Variants in BCAS3 observed in about 807,000 individuals in gnomAD.
The protein encoded by BCAS3 is BCAS4/BCAS3 fusion.
BCAS3 carries 53 observed loss-of-function variants against 116.1 expected under a neutral mutation model. That is an observed-to-expected ratio of 0.46 (90% CI 0.37 to 0.57). BCAS3 has a LOEUF of 0.57. BCAS3 is among the 20% of genes least tolerant of loss of function. The probability of loss-of-function intolerance (pLI) is 0.00; values close to 1 mark genes in which losing one functional copy is unlikely to be tolerated. For missense variants in BCAS3, 917 were observed against 1,165.4 expected, an observed-to-expected ratio of 0.79 and a Z score of 3.10; for synonymous variants, 391 against 408.2, an observed-to-expected ratio of 0.96 and a Z score of 0.51.
At chr17:61,202,281 G>T (rs1243569447) in intron 22 of BCAS3, among the ~76,000 whole-genome samples, 1 of 151,500 alleles carries the variant, frequency 6.6e-6, no homozygotes, top group Non-Finnish European at 1.5e-5. Flanking sequence ...GGGACTACAG[G>T]CACCCAAAAA....
intron 22 of BCAS3, among the ~76,000 whole-genome samples, chr17:61,178,156 G>A (rs1190231524): frequency 1.3e-5 from 2 of 152,092 alleles, no homozygotes. Context: ...CATTCAATCT[G>A]CCCTCTTATT....
chr17:60,819,110 G>A (rs1352652297), intron 7 of BCAS3, among the ~76,000 whole-genome samples: 1 of 152,136 alleles, frequency 6.6e-6, no homozygotes, highest in East Asian at 1.9e-4. Flanking sequence ...GTCTTAAAAT[G>A]TTAACATTGT....
Position 61,362,944 on chromosome 17 carries a change from C to A in BCAS3, c.2426-5383C>A, listed in dbSNP as rs1393875721. The A allele has an allele frequency of 6.6e-6, 1 of 152,184 alleles. No homozygotes were observed. The highest frequency in any genetic ancestry group is 1.5e-5 in the Non-Finnish European group (1 of 68,034). 9.4% of individuals were successfully genotyped at this position (152,184 alleles called of 1,614,324 possible). A position where few individuals can be genotyped will look rare whatever the true frequency, so the allele number is the denominator to read the frequency against. On this transcript the variant is annotated intron_variant, in intron 22 of 23. Transcript: ENST00000407086. This position sits in a 1 kb window ranked among gnomAD's most constrained non-coding sequence, Gnocchi z 4.4. ...ACCCTAGATATTCAGGCTCTGGTAC[C>A]CCACCCAAAGGGTGTTGACTGCAAA...
In BCAS3 at chr17:61,329,891, A is replaced by G. The variant is rs180753893; in HGVS notation, c.2426-38436A>G. ...AGTCTTCGAGCAGCTGTCCCTGATT[A>G]TGAAGTTCAGAGTGGCTGTTTAACG... is the stretch of plus-strand genomic sequence containing the variant. On this transcript the variant is annotated intron_variant, in intron 22 of 23. Coordinates refer to ENST00000407086, the MANE Select transcript of BCAS3 (RefSeq NM_017679.5). Among the ~76,000 whole-genome samples, 189 of 152,308 alleles carry G rather than the reference A, an allele frequency of 1.2e-3. 1 individual carries two copies. The highest frequency in any genetic ancestry group is 4.4e-3 in the African/African-American group (183 of 41,564).
rs950569632 is a variant in BCAS3 at position 61,228,224 on chromosome 17, T to G, written c.2426-140103T>G. Among the ~76,000 whole-genome samples the G allele has an allele frequency of 2.0e-5, 3 of 152,146 alleles. No homozygotes were observed. Among genetic ancestry groups the G allele is most frequent in the African/African-American group, 7.2e-5 (3 of 41,434 alleles). On this transcript the variant is annotated intron_variant, in intron 22 of 23. Transcript: ENST00000407086. The surrounding 1 kb of genome is among the most constrained non-coding windows in gnomAD (Gnocchi z 5.0). ...ACAGTTTCAAAGATGGGAAAATTCTTTATTATTTTGCTTTGAGATTCTCCT... is the reference window on the plus strand; with the variant it reads ...ACAGTTTCAAAGATGGGAAAATTCTGTATTATTTTGCTTTGAGATTCTCCT...
intron 22 of BCAS3, among the ~76,000 whole-genome samples, chr17:61,237,828 A>G (rs922496087): frequency 1.3e-5 from 2 of 152,164 alleles, no homozygotes; most frequent in African/African-American, 4.8e-5. Flanking sequence ...TTCCTTTTAA[A>G]TTGGCTGACT....
intron 19 of BCAS3, among the ~76,000 whole-genome samples, chr17:61,044,461 A>ATATATAT (rs1288025712): frequency 7.9e-6 from 1 of 127,138 alleles, no homozygotes; most frequent in African/African-American, 4.8e-5. Context: ...AAAAAAAAAA[A>ATATATAT]AAAAATATAT....
At chr17:60,831,021 C>T (rs947912184) in intron 7 of BCAS3, among the ~76,000 whole-genome samples, 6 of 151,718 alleles carry the variant, frequency 4.0e-5, no homozygotes, top group Non-Finnish European at 8.8e-5. Flanking sequence ...ACAGGTGTGT[C>T]CCACCAGACT....
At chr17:60,923,543 G>T (rs958358203) in intron 12 of BCAS3, among the ~76,000 whole-genome samples, 1 of 152,086 alleles carries the variant, frequency 6.6e-6, no homozygotes, top group Non-Finnish European at 1.5e-5. Context: ...CTCTTAACAT[G>T]CATTTTTGAG....
At chr17:60,922,931 A>C (rs139388197) in intron 12 of BCAS3, among the ~76,000 whole-genome samples, 32 of 152,334 alleles carry the variant, frequency 2.1e-4, no homozygotes, top group Non-Finnish European at 2.1e-4. Context: ...ATGGAGTATA[A>C]CTATAGTGTT....
At position 61,188,867 on chromosome 17, in the gene BCAS3, T is replaced by C. The variant is rs2079930403; in HGVS notation, c.2425+104303T>C. ...GGCTCATGCCTATAATCCCAGCACG[T>C]TGGGAGGCTGAGGTGGGAGGAGCCT... is the stretch of plus-strand genomic sequence containing the variant. On this transcript the variant is annotated intron_variant, in intron 22 of 23. Coordinates refer to ENST00000407086, the MANE Select transcript of BCAS3 (RefSeq NM_017679.5). The surrounding 1 kb of genome is among the most constrained non-coding windows in gnomAD (Gnocchi z 4.0). Among the ~76,000 whole-genome samples the C allele has an allele frequency of 6.6e-6, 1 of 152,182 alleles. No individual in the cohort carries two copies.
At chr17:61,172,987 CAAATAAAT>C (rs56769937) in intron 22 of BCAS3, among the ~76,000 whole-genome samples, 2 of 149,726 alleles carry the variant, frequency 1.3e-5, no homozygotes, top group East Asian at 4.0e-4. Flanking sequence ...GATTCCATCT[CAAATAAAT>C]AAATAAATAA....
intron 10 of BCAS3, among the ~76,000 whole-genome samples, chr17:60,891,505 G>A (rs1445369927): frequency 1.3e-5 from 2 of 152,188 alleles, no homozygotes; most frequent in Non-Finnish European, 2.9e-5. Context: ...TCCTTACATA[G>A]TATTTTCATA....
chr17:61,180,357 G>T lies in BCAS3; in HGVS notation c.2425+95793G>T, dbSNP rs1196638162. On this transcript the variant is annotated intron_variant, in intron 22 of 23. Coordinates refer to ENST00000407086, the MANE Select transcript of BCAS3 (RefSeq NM_017679.5). This position sits in a 1 kb window ranked among gnomAD's most constrained non-coding sequence, Gnocchi z 6.0. ...AAAATGATTATGGCCACAGATAAGA[G>T]ATTAAACTATTCAGCCAACAAGCTG... Among the ~76,000 whole-genome samples the T allele has an allele frequency of 2.6e-5, 4 of 152,168 alleles. No homozygotes were observed.
At chr17:60,923,360 C>G (rs2059204227) in intron 12 of BCAS3, among the ~76,000 whole-genome samples, 1 of 152,164 alleles carries the variant, frequency 6.6e-6, no homozygotes, top group African/African-American at 2.4e-5. Context: ...CTTTCACTCA[C>G]AAATACTATC....
rs186280940 is a variant in BCAS3 at position 61,139,774 on chromosome 17, T to C, written c.2425+55210T>C. Among the ~76,000 whole-genome samples the C allele has an allele frequency of 1.3e-5, 2 of 152,222 alleles. No homozygotes were observed. Among genetic ancestry groups the C allele is most frequent in the East Asian group, 3.9e-4 (2 of 5,188 alleles). The stretch of plus-strand genomic sequence containing the variant: ...GATAAAAATACAACCCTAGTGACCA[T>C]AGAATAAGGCAGATGGAGTTCTCTC... On this transcript the variant is annotated intron_variant, in intron 22 of 23. Coordinates refer to ENST00000407086, the MANE Select transcript of BCAS3 (RefSeq NM_017679.5). The surrounding 1 kb of genome is among the most constrained non-coding windows in gnomAD (Gnocchi z 4.7).
intron 22 of BCAS3, among the ~76,000 whole-genome samples, chr17:61,175,982 CAGA>C (rs1193045705): frequency 6.6e-6 from 1 of 150,978 alleles, no homozygotes; most frequent in African/African-American, 2.4e-5. Flanking sequence ...CAAAAAATAA[CAGA>C]AGATTAGCTG....
chr17:61,054,137 ACTT>A (rs2069139357), intron 19 of BCAS3, among the ~76,000 whole-genome samples: 1 of 152,174 alleles, frequency 6.6e-6, no homozygotes, highest in African/African-American at 2.4e-5. Flanking sequence ...TTGGTTACCT[ACTT>A]CTCCATCTCT....
chr17:60,748,090 G>T (rs909212639), intron 6 of BCAS3, among the ~76,000 whole-genome samples: 7 of 151,838 alleles, frequency 4.6e-5, no homozygotes, highest in Non-Finnish European at 8.8e-5. Context: ...TTAAAAAGAG[G>T]ATATTAAAAT....
Sources: gnomAD v4.1 joint callset for allele counts (sites outside exome capture counted in the v4.1 genomes callset) on GRCh38, gnomAD v4.1.1 for gene constraint, Gnocchi (gnomAD v3.1) non-coding constraint, MANE v1.5 for transcripts, NCBI Gene and HGNC (gene_info 2026-07-23, HGNC 2026-07-21) for gene names.